DCP1A: variants seen among roughly 807,000 people sequenced by gnomAD.
DCP1A encodes decapping mRNA 1A, also known as mRNA-decapping enzyme 1A.
In DCP1A, 20 loss-of-function variants were observed where a neutral mutation model predicts 58.0. The observed-to-expected ratio is 0.34, with a 90% confidence interval of 0.24 to 0.50. DCP1A has a LOEUF of 0.50. Among genes scored for constraint, DCP1A ranks in the 20% least tolerant of loss-of-function variants. The pLI is 0.98. For synonymous variants in DCP1A, 285 were observed against 275.1 expected, an observed-to-expected ratio of 1.04 and a Z score of -0.36; for missense variants, 613 against 712.2, an observed-to-expected ratio of 0.86 and a Z score of 1.59.
rs1412661377 is a variant in DCP1A at position 53,292,006 on chromosome 3, T to C, written c.1383+63A>G. ...TCATGACAGTTAAAACCAAGGTCTCTGTAGTTTCATCCCATCCAGTTACAG... is the reference window on the plus strand; with the variant it reads ...TCATGACAGTTAAAACCAAGGTCTCCGTAGTTTCATCCCATCCAGTTACAG... On this transcript the variant is annotated intron_variant, in intron 7 of 9. Coordinates refer to ENST00000610213, the MANE Select transcript of DCP1A (RefSeq NM_018403.7). 1.3e-5 allele frequency: 19 copies of C among 1,506,960 alleles called. No individual in the cohort carries two copies. In the African/African-American group the frequency reaches 1.8e-4, roughly 14 times the overall value. 93.3% of individuals were successfully genotyped at this position (1,506,960 alleles called of 1,614,324 possible).
intron 6 of DCP1A, among the ~76,000 whole-genome samples, chr3:53,293,675 T>A (rs1169454094): frequency 6.6e-6 from 1 of 152,144 alleles, no homozygotes; most frequent in African/African-American, 2.4e-5. Context: ...AAAAAATTAG[T>A]TCACTGAAAC....
In DCP1A at chr3:53,286,439, C is replaced by T. The variant is rs1283423597; in HGVS notation, c.*1141G>A. 6.6e-6 allele frequency: 1 copy of T among 152,216 alleles called. No individual in the cohort carries two copies. The highest frequency in any genetic ancestry group is 2.4e-5 in the African/African-American group (1 of 41,458). 9.4% of individuals were successfully genotyped at this position (152,216 alleles called of 1,614,324 possible). Reference sequence around the variant, plus strand: ...ATTAAAATATTACTAAACACCATTACATGCCATAAAAGAATAAATAGAAAT... The same window carrying T: ...ATTAAAATATTACTAAACACCATTATATGCCATAAAAGAATAAATAGAAAT... On this transcript the variant is annotated 3_prime_UTR_variant, in exon 10 of 10. Coordinates refer to ENST00000610213, the MANE Select transcript of DCP1A (RefSeq NM_018403.7).
At chr3:53,321,549 G>A (rs973832119) in intron 3 of DCP1A, among the ~76,000 whole-genome samples, 7 of 152,192 alleles carry the variant, frequency 4.6e-5, no homozygotes, top group African/African-American at 9.6e-5. Context: ...GTGAAACCCC[G>A]TCTCTACTAA....
rs569394208 is a variant in DCP1A at position 53,327,158 on chromosome 3, G to A, written c.305-7685C>T. Among the ~76,000 whole-genome samples the A allele has an allele frequency of 1.2e-4, 19 of 152,134 alleles. No homozygotes were observed. The South Asian group carries it at 3.9e-3, about 32-fold the overall frequency. On this transcript the variant is annotated intron_variant, in intron 3 of 9. Coordinates refer to ENST00000610213, the MANE Select transcript of DCP1A (RefSeq NM_018403.7). ...GGGATCTGGGAAATAGGTCAGATGG[G>A]GTGTAAAAAAGGGGGGGAACTTCTT... is the stretch of plus-strand genomic sequence containing the variant.
chr3:53,324,326 C>T (rs1477277902), intron 3 of DCP1A, among the ~76,000 whole-genome samples: 1 of 152,218 alleles, frequency 6.6e-6, no homozygotes, highest in African/African-American at 2.4e-5. Context: ...ATCAAACGGT[C>T]AGTGCGTGCA....
chr3:53,285,768 C>A lies in DCP1A; in HGVS notation c.*1812G>T, dbSNP rs1307960204. On this transcript the variant is annotated 3_prime_UTR_variant, in exon 10 of 10. Transcript: ENST00000610213. Reference sequence around the variant, plus strand: ...GGTGCAATCACACCTACTGGTGCGTCCACTTTATGGAAGTCACGTGGCTCC... The same window carrying A: ...GGTGCAATCACACCTACTGGTGCGTACACTTTATGGAAGTCACGTGGCTCC... 2.6e-5 allele frequency: 4 copies of A among 152,162 alleles called. No homozygotes were observed. Among genetic ancestry groups the A allele is most frequent in the Non-Finnish European group, 5.9e-5 (4 of 68,028 alleles). 9.4% of individuals were successfully genotyped at this position (152,162 alleles called of 1,614,324 possible). A position where few individuals can be genotyped will look rare whatever the true frequency, so the allele number is the denominator to read the frequency against.
Position 53,342,098 on chromosome 3 carries a change from C to A in DCP1A, c.304+46G>T. The A allele has an allele frequency of 2.0e-6, 3 of 1,489,396 alleles. No homozygotes were observed. The South Asian group carries it at 3.7e-5, about 18-fold the overall frequency. 92.3% of individuals were successfully genotyped at this position (1,489,396 alleles called of 1,614,324 possible). A position where few individuals can be genotyped will look rare whatever the true frequency, so the allele number is the denominator to read the frequency against. On this transcript the variant is annotated intron_variant, in intron 3 of 9. Coordinates refer to ENST00000610213, the MANE Select transcript of DCP1A (RefSeq NM_018403.7). The stretch of plus-strand genomic sequence containing the variant: ...ATAATGGATTGATAGAAACTAAAGT[C>A]ACTCAATTTTAAATGTAATAACTAT...
intron 3 of DCP1A, among the ~76,000 whole-genome samples, chr3:53,331,917 A>G (rs1553691325): frequency 6.6e-6 from 1 of 152,272 alleles, no homozygotes; most frequent in Non-Finnish European, 1.5e-5. Context: ...TGCTGCTTGT[A>G]GCAGGTATGT....
intron 6 of DCP1A, among the ~76,000 whole-genome samples, chr3:53,302,187 T>C (rs1207201609): frequency 1.3e-5 from 2 of 152,236 alleles, no homozygotes; most frequent in Non-Finnish European, 2.9e-5. Flanking sequence ...TGTCATATCG[T>C]ACTATATTTT....
intron 5 of DCP1A, among the ~76,000 whole-genome samples, chr3:53,308,884 A>AGTCACT (rs1223604390): frequency 1.3e-5 from 2 of 152,154 alleles, no homozygotes; most frequent in Non-Finnish European, 2.9e-5. Flanking sequence ...TATGGGCATG[A>AGTCACT]GTCACTGTGT....
Position 53,292,390 on chromosome 3 carries a change from T to C in DCP1A, c.1062A>G (p.Pro354=). The change falls in exon 7 of 10, where the codon CCA becomes CCG. Residue 354 remains proline (P), a synonymous_variant. Transcript: ENST00000610213. ...GCTCAGGGACTGGCTGGTTCAGGAGTGGAGACCTCTGTCTAGGCGTGGTCT... is the reference window on the plus strand; with the variant it reads ...GCTCAGGGACTGGCTGGTTCAGGAGCGGAGACCTCTGTCTAGGCGTGGTCT... ...AVKTTPRQRS[P]LLNQPVPELS... is the part of the protein sequence containing the mutation. The C allele has an allele frequency of 6.2e-7, 1 of 1,612,916 alleles. No homozygotes were observed.
rs1048193002 is a variant in DCP1A at position 53,286,220 on chromosome 3, T to C, written c.*1360A>G. On this transcript the variant is annotated 3_prime_UTR_variant, in exon 10 of 10. Coordinates refer to ENST00000610213, the MANE Select transcript of DCP1A (RefSeq NM_018403.7). ...AAGGAACCATCATATCTGTCAGCAT[T>C]ATTCACAGCTAATCCTTATGCTAGC... The C allele has an allele frequency of 6.6e-6, 1 of 152,258 alleles. No individual in the cohort carries two copies. The highest frequency in any genetic ancestry group is 6.5e-5 in the Admixed American group (1 of 15,284). 9.4% of individuals were successfully genotyped at this position (152,258 alleles called of 1,614,324 possible).
At chr3:53,312,495 C>CA in intron 4 of DCP1A, 116 bp from the exon 5 acceptor site, 38 of 526,030 alleles carry the variant, frequency 7.2e-5, no homozygotes, top group African/African-American at 6.2e-4. Flanking sequence ...TGACATTCTT[C>CA]TTTTTTTTTT....
intron 3 of DCP1A, among the ~76,000 whole-genome samples, chr3:53,320,683 A>C (rs1707938759): frequency 6.6e-6 from 1 of 152,172 alleles, no homozygotes; most frequent in African/African-American, 2.4e-5. Context: ...GTATACTATC[A>C]CAGCCAGGAT....
chr3:53,307,693 C>T (rs1381347617), intron 5 of DCP1A, among the ~76,000 whole-genome samples: 1 of 152,074 alleles, frequency 6.6e-6, no homozygotes. Context: ...ATCAGACAAA[C>T]CTGCTGGAGG....
rs1251468527 is a variant in DCP1A at position 53,313,318 on chromosome 3, C to T, written c.372-939G>A. ...CCTGTAGTCCCAGCTATTTGGAAGGCTGAGGTGGGAGGACTGCTTGAGTCT... is the reference window on the plus strand; with the variant it reads ...CCTGTAGTCCCAGCTATTTGGAAGGTTGAGGTGGGAGGACTGCTTGAGTCT... On this transcript the variant is annotated intron_variant, in intron 4 of 9. Coordinates refer to ENST00000610213, the MANE Select transcript of DCP1A (RefSeq NM_018403.7). 2.6e-5 allele frequency among the ~76,000 whole-genome samples: 4 copies of T among 151,956 alleles called. No individual in the cohort carries two copies. The East Asian group carries it at 7.7e-4, about 29-fold the overall frequency.
chr3:53,291,769 T>A (rs1200288915), intron 7 of DCP1A, among the ~76,000 whole-genome samples: 1 of 152,126 alleles, frequency 6.6e-6, no homozygotes, highest in Non-Finnish European at 1.5e-5. Context: ...CCGTGGGAGA[T>A]AGGGAGTTAA....
chr3:53,303,411 C>T (rs568598665), intron 6 of DCP1A, among the ~76,000 whole-genome samples: 1 of 152,196 alleles, frequency 6.6e-6, no homozygotes, highest in South Asian at 2.1e-4. Flanking sequence ...GCATTACAGG[C>T]ACGTGCCACC....
intron 1 of DCP1A, among the ~76,000 whole-genome samples, chr3:53,346,623 G>C (rs1034373780): frequency 6.6e-6 from 1 of 152,198 alleles, no homozygotes; most frequent in Non-Finnish European, 1.5e-5. Context: ...ACAAGAATCA[G>C]TGAACACACT....
Sources: allele counts gnomAD v4.1 joint callset (sites outside exome capture counted in the v4.1 genomes callset), GRCh38; gene constraint gnomAD v4.1.1; transcripts MANE v1.5; gene names NCBI Gene and HGNC (gene_info 2026-07-23, HGNC 2026-07-21).